Variants in KIAA1328 observed in about 807,000 individuals in gnomAD.
KIAA1328 encodes KIAA1328.
KIAA1328 carries 52 observed loss-of-function variants against 68.1 expected under a neutral mutation model. That is an observed-to-expected ratio of 0.76 (90% CI 0.61 to 0.96). The LOEUF (loss-of-function observed/expected upper bound fraction) is 0.96. Among genes scored for constraint, KIAA1328 ranks in the 40% least tolerant of loss-of-function variants. The pLI is 0.00. For missense variants in KIAA1328, 641 were observed against 677.6 expected (o/e 0.95, Z 0.60); for synonymous variants, 232 against 239.4 (o/e 0.97, Z 0.28).
rs113223411 is a variant in KIAA1328 at position 36,895,163 on chromosome 18, G to A, written c.448+9491G>A. 8.9e-3 allele frequency among the ~76,000 whole-genome samples: 1,356 copies of A among 152,196 alleles called. 20 individuals carry two copies. Among genetic ancestry groups the A allele is most frequent in the African/African-American group, 0.03 (1,266 of 41,514 alleles). ...ACCTGTACCAGCTGCCCTAACTTGCGTATCTTCTTATGGTTCTTTGGGCAC... is the reference window on the plus strand; with the variant it reads ...ACCTGTACCAGCTGCCCTAACTTGCATATCTTCTTATGGTTCTTTGGGCAC... On this transcript the variant is annotated intron_variant, in intron 5 of 9. Transcript: ENST00000280020.
intron 5 of KIAA1328, chr18:36,946,442 C>G (rs146380118): frequency 6.6e-6 from 1 of 152,162 alleles, no homozygotes; most frequent in Non-Finnish European, 1.5e-5. Flanking sequence ...CCAGCAACAT[C>G]AGCATTACTC....
chr18:36,830,632 T>C (rs73435514), intron 1 of KIAA1328, among the ~76,000 whole-genome samples: 6,095 of 152,244 alleles, frequency 0.04, 425 homozygotes, highest in African/African-American at 0.14. Flanking sequence ...TTAATAGATA[T>C]ATGGACTGAA....
intron 9 of KIAA1328, among the ~76,000 whole-genome samples, chr18:37,218,146 T>TA (rs561552108): frequency 2.0e-3 from 310 of 152,348 alleles, no homozygotes; most frequent in African/African-American, 7.1e-3. Flanking sequence ...ATGAACAATT[T>TA]AAAAGACAAA....
chr18:37,230,223 ATTAG>A (rs1482582827), downstream of KIAA1328: 3 of 152,276 alleles, frequency 2.0e-5, no homozygotes, highest in Non-Finnish European at 4.4e-5. Flanking sequence ...GGATTAAAGC[ATTAG>A]TTAGTTTCCC....
intron 9 of KIAA1328, among the ~76,000 whole-genome samples, chr18:37,209,156 T>C (rs1415892693): frequency 6.6e-6 from 1 of 152,210 alleles, no homozygotes; most frequent in Admixed American, 6.5e-5. Context: ...ACATCATATG[T>C]GTAAGCATCC....
chr18:37,222,722 C>T lies in KIAA1328; in HGVS notation c.*495C>T. On this transcript the variant is annotated 3_prime_UTR_variant, in exon 10 of 10. Coordinates refer to ENST00000280020, the MANE Select transcript of KIAA1328 (RefSeq NM_020776.3). Reference sequence around the variant, plus strand: ...CACTACTACATTTCTGTAAGTGGTCCTTTAATTCTGAAGTTGGAGTTGGTG... The same window carrying T: ...CACTACTACATTTCTGTAAGTGGTCTTTTAATTCTGAAGTTGGAGTTGGTG... The T allele has an allele frequency of 1.0e-6, 1 of 993,636 alleles. No homozygotes were observed. The highest frequency in any genetic ancestry group is 1.2e-6 in the Non-Finnish European group (1 of 835,266). 61.6% of individuals were successfully genotyped at this position (993,636 alleles called of 1,614,324 possible). A position where few individuals can be genotyped will look rare whatever the true frequency, so the allele number is the denominator to read the frequency against.
intron 6 of KIAA1328, among the ~76,000 whole-genome samples, chr18:37,004,771 A>G (rs921246515): frequency 6.6e-6 from 1 of 152,168 alleles, no homozygotes; most frequent in Non-Finnish European, 1.5e-5. Flanking sequence ...CAGGAAAAGA[A>G]GTCATTATAC....
At chr18:36,924,459 G>A (rs545350884) in intron 5 of KIAA1328, among the ~76,000 whole-genome samples, 1 of 152,242 alleles carries the variant, frequency 6.6e-6, no homozygotes, top group East Asian at 1.9e-4. Flanking sequence ...GAATGACCCT[G>A]ATTTCTGGAT....
chr18:37,004,328 T>C (rs1337932260), intron 6 of KIAA1328, among the ~76,000 whole-genome samples: 1 of 151,624 alleles, frequency 6.6e-6, no homozygotes, highest in African/African-American at 2.4e-5. Flanking sequence ...TTCCTAAGTA[T>C]TTTTTTTCGC....
chr18:37,092,189 G>A (rs928623262), intron 7 of KIAA1328, among the ~76,000 whole-genome samples: 2 of 152,014 alleles, frequency 1.3e-5, no homozygotes, highest in Non-Finnish European at 2.9e-5. Flanking sequence ...AGGGGCCCGG[G>A]GATTAATTCA....
At chr18:36,846,363 CT>C (rs1235145993) in intron 4 of KIAA1328, among the ~76,000 whole-genome samples, 6 of 151,508 alleles carry the variant, frequency 4.0e-5, no homozygotes, top group Admixed American at 6.6e-5. Flanking sequence ...AAGACATAAC[CT>C]TTTTTCTAGA....
intron 6 of KIAA1328, among the ~76,000 whole-genome samples, chr18:37,061,679 C>G (rs1466616256): frequency 6.6e-6 from 1 of 152,104 alleles, no homozygotes; most frequent in Non-Finnish European, 1.5e-5. Flanking sequence ...TTCATTCAGG[C>G]CCATTGTTAC....
chr18:36,892,571 C>G (rs1012092767), intron 5 of KIAA1328, among the ~76,000 whole-genome samples: 3 of 152,036 alleles, frequency 2.0e-5, no homozygotes, highest in African/African-American at 7.2e-5. Flanking sequence ...CCACTTCGTT[C>G]CATTTAACAA....
intron 7 of KIAA1328, chr18:37,075,532 A>G (rs902619603): frequency 1.3e-5 from 2 of 152,188 alleles, no homozygotes; most frequent in African/African-American, 4.8e-5. Flanking sequence ...AAAGACACAG[A>G]CTGGCAAATT....
intron 4 of KIAA1328, among the ~76,000 whole-genome samples, chr18:36,878,731 C>G (rs1426258048): frequency 6.6e-6 from 1 of 151,992 alleles, no homozygotes; most frequent in Admixed American, 6.5e-5. Flanking sequence ...CTTTTTTTCT[C>G]TAATCTTGTC....
Position 36,951,120 on chromosome 18 carries a change from G to A in KIAA1328, c.449-8188G>A, listed in dbSNP as rs952151601. On this transcript the variant is annotated intron_variant, in intron 5 of 9. Transcript: ENST00000280020. ...TTGTTGTTACATTGGCCTCCTTCTC[G>A]TCTCACAGTTGGAACATTCCTTTCT... Among the ~76,000 whole-genome samples the A allele has an allele frequency of 3.9e-5, 6 of 152,112 alleles. No individual in the cohort carries two copies. In the South Asian group the frequency reaches 6.2e-4, roughly 16 times the overall value.
chr18:37,029,203 AT>A (rs111567446), intron 6 of KIAA1328, among the ~76,000 whole-genome samples: 4 of 150,558 alleles, frequency 2.7e-5, no homozygotes, highest in Non-Finnish European at 4.4e-5. Context: ...GAAACTCAAT[AT>A]TTTTTTTTCA....
downstream of KIAA1328, among the ~76,000 whole-genome samples, chr18:37,229,266 C>G (rs952604403): frequency 6.6e-6 from 1 of 152,252 alleles, no homozygotes; most frequent in East Asian, 1.9e-4. Context: ...TGTGCCACAC[C>G]CTTGGCTGGG....
chr18:36,876,277 C>G (rs2048122390), intron 4 of KIAA1328, among the ~76,000 whole-genome samples: 1 of 152,064 alleles, frequency 6.6e-6, no homozygotes, highest in Admixed American at 6.6e-5. Flanking sequence ...TAGAATTTGG[C>G]TGTCAATCAG....
Sources: gnomAD v4.1 joint callset for allele counts (sites outside exome capture counted in the v4.1 genomes callset) on GRCh38, gnomAD v4.1.1 for gene constraint, MANE v1.5 for transcripts, NCBI Gene and HGNC (gene_info 2026-07-23, HGNC 2026-07-21) for gene names.